The following PCDHA1 variants were observed in gnomAD, a reference collection of about 807,000 sequenced individuals.
PCDHA1 encodes protocadherin alpha-1.
Under a neutral mutation model 61.3 loss-of-function variants are expected in PCDHA1, and 42 were observed. That is an observed-to-expected ratio of 0.69 (90% CI 0.54 to 0.89). The LOEUF (loss-of-function observed/expected upper bound fraction) is 0.89. Among genes scored for constraint, PCDHA1 ranks in the 40% least tolerant of loss-of-function variants. The pLI, the probability that PCDHA1 is intolerant of heterozygous loss-of-function variation, is 0.00. For missense variants in PCDHA1, 1,256 were observed against 1,235.3 expected (o/e 1.02, Z -0.25); for synonymous variants, 610 against 553.8 (o/e 1.10, Z -1.43).
intron 1 of PCDHA1, chr5:140,851,313 C>T: frequency 1.0e-6 from 1 of 998,874 alleles, no homozygotes; most frequent in Non-Finnish European, 1.2e-6. Flanking sequence ...GCAATTGTTA[C>T]CTTGTTAAGT....
chr5:140,842,824 G>A (rs1778307611), intron 1 of PCDHA1: 4 of 1,593,676 alleles, frequency 2.5e-6, no homozygotes, highest in African/African-American at 1.3e-5. Flanking sequence ...GGGTGGGCGA[G>A]CGCTCGCTGT....
chr5:140,867,133 A>T (rs1554160961), intron 1 of PCDHA1: 1 of 152,166 alleles, frequency 6.6e-6, no homozygotes, highest in African/African-American at 2.4e-5. Flanking sequence ...CAAATATGTG[A>T]TATTATCATT....
intron 1 of PCDHA1, among the ~76,000 whole-genome samples, chr5:140,895,002 A>C (rs1003440406): frequency 6.6e-6 from 1 of 152,030 alleles, no homozygotes; most frequent in Non-Finnish European, 1.5e-5. Flanking sequence ...TACCCTTTTT[A>C]CTTGGACCTT....
chr5:140,788,361 G>A lies in PCDHA1; in HGVS notation c.2071G>A (p.Ala691Thr). 1 of 1,614,006 alleles carries A rather than the reference G, an allele frequency of 6.2e-7. No individual in the cohort carries two copies. Among genetic ancestry groups the A allele is most frequent in the Non-Finnish European group, 8.5e-7 (1 of 1,179,966 alleles). Residue 691 changes from alanine (A) to threonine (T), a missense_variant, in exon 1 of 4, where the codon GCG (alanine) becomes ACG (threonine). Ala to Thr is a moderately conservative substitution (Grantham distance 58). Coordinates refer to ENST00000504120, the MANE Select transcript of PCDHA1 (RefSeq NM_018900.4). ...GTCGGTGGGTGTCGCGGGCCCAGAG[G>A]CGGCGCTGGTGGATGTCAACGTGTA... ...RASVGVAGPEAALVDVNVYLI... is the reference protein window; with the variant it reads ...RASVGVAGPETALVDVNVYLI...
At chr5:140,808,400 T>C (rs555840522) in intron 1 of PCDHA1, 5 of 1,614,170 alleles carry the variant, frequency 3.1e-6, no homozygotes, top group Admixed American at 3.3e-5. Flanking sequence ...CAAGAATTAC[T>C]ACTCGTTGGT....
intron 3 of PCDHA1, among the ~76,000 whole-genome samples, chr5:141,006,727 G>A (rs2098285106): frequency 6.6e-6 from 1 of 152,080 alleles, no homozygotes. Context: ...AGAAATGACA[G>A]GTCTTGATGA....
Position 140,787,661 on chromosome 5 carries a change from G to A in PCDHA1, c.1371G>A (p.Gln457=), listed in dbSNP as rs1554117915. Residue 457 remains glutamine (Q), a synonymous_variant, in exon 1 of 4, where the codon CAG becomes CAA. Coordinates refer to ENST00000504120, the MANE Select transcript of PCDHA1 (RefSeq NM_018900.4). Reference sequence around the variant, plus strand: ...ATGACAACGCGCCTGCGTTCGCGCAGCCCGAGTACACAGTATTCGTGAAGG... The same window carrying A: ...ATGACAACGCGCCTGCGTTCGCGCAACCCGAGTACACAGTATTCGTGAAGG... The part of the protein sequence containing the change: ...DVNDNAPAFA[Q]PEYTVFVKEN... 1 of 1,614,016 alleles carries A rather than the reference G, an allele frequency of 6.2e-7. No individual in the cohort carries two copies. Among genetic ancestry groups the A allele is most frequent in the East Asian group, 2.2e-5 (1 of 44,870 alleles).
At chr5:140,789,325 G>A (rs917192020) in intron 1 of PCDHA1, among the ~76,000 whole-genome samples, 18 of 152,058 alleles carry the variant, frequency 1.2e-4, no homozygotes, top group African/African-American at 4.1e-4. Context: ...GGTGGTGGGC[G>A]CCTGTAATCC....
At chr5:140,875,841 G>A in intron 1 of PCDHA1, 2 of 1,614,164 alleles carry the variant, frequency 1.2e-6, no homozygotes, top group Non-Finnish European at 1.7e-6. Flanking sequence ...ACGTGGAGGT[G>A]AAGGACATTA....
rs2150171293 is a variant in PCDHA1, at chr5:140,829,615, T to G, written c.2394+40931T>G. On this transcript the variant is annotated intron_variant, in intron 1 of 3. Transcript: ENST00000504120. ...GCGAGCGCGCGTTGTCGAGCTACAT[T>G]TCGGTGCACGCGGAGAGCGGCAAGG... is the stretch of plus-strand genomic sequence containing the variant. The G allele has an allele frequency of 5.0e-6, 8 of 1,612,084 alleles. No individual in the cohort carries two copies. In the African/African-American group the frequency reaches 9.3e-5, roughly 19 times the overall value.
rs1554117381 is a variant in PCDHA1, at chr5:140,786,425, T to C, written c.135T>C (p.Val45=). The change falls in exon 1 of 4, where the codon GTT becomes GTC. Residue 45 remains valine (V), a synonymous_variant. Transcript: ENST00000504120. The part of the protein sequence containing the change: ...IPEEAKHGTF[V]GRVAQDLGLE... ...AGGAAGCCAAACACGGCACCTTCGTTGGCCGCGTTGCTCAGGACCTGGGAC... is the reference window on the plus strand; with the variant it reads ...AGGAAGCCAAACACGGCACCTTCGTCGGCCGCGTTGCTCAGGACCTGGGAC... 1 of 1,613,454 alleles carries C rather than the reference T, an allele frequency of 6.2e-7. No homozygotes were observed. Among genetic ancestry groups the C allele is most frequent in the South Asian group, 1.1e-5 (1 of 91,050 alleles).
intron 2 of PCDHA1, 165 bp downstream of exon 2, chr5:140,979,172 G>A (rs1406119348): frequency 2.1e-6 from 2 of 959,890 alleles, no homozygotes; most frequent in Admixed American, 1.2e-4. Context: ...TTGAAAGATC[G>A]CAAATGGTCA....
intron 1 of PCDHA1, chr5:140,858,387 T>C (rs1260966424): frequency 1.9e-6 from 3 of 1,582,118 alleles, no homozygotes; most frequent in Admixed American, 1.8e-5. Flanking sequence ...TGCCCAATGG[T>C]AGATGTGGAC....
rs1024369617 is a variant in PCDHA1 at position 140,837,461 on chromosome 5, C to G, written c.2394+48777C>G. On this transcript the variant is annotated intron_variant, in intron 1 of 3. Transcript: ENST00000504120. ...TAGTACGTAGTAAAAAATCTCCTTG[C>G]CTCCTCAAACCCCAAACCATTTACT... 4.6e-5 allele frequency among the ~76,000 whole-genome samples: 7 copies of G among 151,760 alleles called. 1 individual carries two copies. The highest frequency in any genetic ancestry group is 1.0e-4 in the Non-Finnish European group (7 of 67,946).
chr5:140,796,339 G>A, intron 1 of PCDHA1: 1 of 1,611,516 alleles, frequency 6.2e-7, no homozygotes, highest in Non-Finnish European at 8.5e-7. Context: ...CGCACAGCCT[G>A]AGTACACAGT....
intron 1 of PCDHA1, chr5:140,871,299 G>A (rs782459625): frequency 1.9e-6 from 3 of 1,613,916 alleles, no homozygotes; most frequent in South Asian, 1.1e-5. Context: ...GCGCGTGCGC[G>A]CCGGGGAAGC....
rs1554118216 is a variant in PCDHA1 at position 140,788,297 on chromosome 5, G to A, written c.2007G>A (p.Leu669=). ...CCACGGCCACTGTGCTTGTATCTCT[G>A]GTGGAGAGCGGCCAGGCGCCAAAGG... ...LTATATVLVS[L]VESGQAPKAS... Residue 669 remains leucine, a synonymous_variant, in exon 1 of 4, where the codon CTG becomes CTA. Coordinates refer to ENST00000504120, the MANE Select transcript of PCDHA1 (RefSeq NM_018900.4). 1.2e-6 allele frequency: 2 copies of A among 1,613,982 alleles called. No homozygotes were observed. Among genetic ancestry groups the A allele is most frequent in the African/African-American group, 1.3e-5 (1 of 75,064 alleles).
intron 3 of PCDHA1, among the ~76,000 whole-genome samples, chr5:140,989,704 A>G (rs1011656518): frequency 9.2e-5 from 14 of 152,202 alleles, no homozygotes; most frequent in Admixed American, 9.2e-4. Context: ...TTTTATCTTC[A>G]GAGGCAGTCA....
At chr5:140,805,112 C>T (rs782558410) in intron 1 of PCDHA1, 2 of 1,589,392 alleles carry the variant, frequency 1.3e-6, no homozygotes, top group South Asian at 2.3e-5. Context: ...TATTGTCTAA[C>T]AAGACTCTTG....
Sources: gnomAD v4.1 joint callset for allele counts (sites outside exome capture counted in the v4.1 genomes callset) on GRCh38, gnomAD v4.1.1 for gene constraint, MANE v1.5 for transcripts, NCBI Gene and HGNC (gene_info 2026-07-23, HGNC 2026-07-21) for gene names.